Variants in GMDS observed in about 807,000 individuals in gnomAD.
GMDS encodes the protein GDP-mannose 4,6-dehydratase, also known as GDP-mannose 4,6 dehydratase.
In GMDS, 20 loss-of-function variants were observed where a neutral mutation model predicts 49.9. The ratio of observed to expected loss-of-function variants is 0.40; its 90% confidence interval spans 0.28 to 0.58. The LOEUF (loss-of-function observed/expected upper bound fraction) is 0.58. GMDS is among the 20% of genes least tolerant of loss of function. The probability of loss-of-function intolerance (pLI) is 0.42; values close to 1 mark genes in which losing one functional copy is unlikely to be tolerated. For missense variants in GMDS, 362 were observed against 481.4 expected (o/e 0.75, Z 2.32); for synonymous variants, 177 against 178.6 (o/e 0.99, Z 0.07).
intron 7 of GMDS, among the ~76,000 whole-genome samples, chr6:1,809,898 T>C (rs143176732): frequency 3.9e-5 from 6 of 152,252 alleles, no homozygotes; most frequent in African/African-American, 1.4e-4. Context: ...TTGAAATATA[T>C]TTTATATTTA....
At chr6:1,695,963 A>G (rs1372176198) in intron 9 of GMDS, among the ~76,000 whole-genome samples, 1 of 148,736 alleles carries the variant, frequency 6.7e-6, no homozygotes. Context: ...TGACAAAAAC[A>G]ATGCTGGAGG....
chr6:1,647,004 C>T (rs1475226818), intron 9 of GMDS, among the ~76,000 whole-genome samples: 1 of 152,180 alleles, frequency 6.6e-6, no homozygotes, highest in African/African-American at 2.4e-5. Flanking sequence ...AGGCCTCTTG[C>T]CCCTTCCTTG....
chr6:2,137,921 T>C (rs909992788), intron 1 of GMDS, among the ~76,000 whole-genome samples: 1 of 152,250 alleles, frequency 6.6e-6, no homozygotes, highest in Non-Finnish European at 1.5e-5. Context: ...TACTGTATTG[T>C]ACTCTGTCCA....
intron 7 of GMDS, among the ~76,000 whole-genome samples, chr6:1,899,570 GC>G (rs1439974235): frequency 6.6e-6 from 1 of 152,146 alleles, no homozygotes. Flanking sequence ...AAGCCGGTGG[GC>G]CATTCCAGGA....
intron 9 of GMDS, among the ~76,000 whole-genome samples, chr6:1,627,747 C>T (rs1762885800): frequency 1.3e-5 from 2 of 152,244 alleles, no homozygotes; most frequent in African/African-American, 4.8e-5. Flanking sequence ...AAAGGACTTC[C>T]ACCAGTGCAA....
intron 4 of GMDS, 46 bp from the exon 5 acceptor site, chr6:1,961,012 C>A: frequency 8.6e-7 from 1 of 1,162,458 alleles, no homozygotes; most frequent in Non-Finnish European, 1.2e-6. Flanking sequence ...AGCTTCATAG[C>A]ACAAAGGTGC....
At chr6:2,213,534 A>G (rs765408473) in intron 1 of GMDS, among the ~76,000 whole-genome samples, 1 of 152,244 alleles carries the variant, frequency 6.6e-6, no homozygotes, top group Non-Finnish European at 1.5e-5. Context: ...AAGGTACACA[A>G]AACAGTTCTA....
At chr6:1,819,576 C>T (rs930981642) in intron 7 of GMDS, among the ~76,000 whole-genome samples, 1 of 151,856 alleles carries the variant, frequency 6.6e-6, no homozygotes, top group Non-Finnish European at 1.5e-5. Flanking sequence ...GCCTGGCCAA[C>T]ATGGTGAAAC....
At chr6:2,115,274 A>T (rs1774782180) in intron 4 of GMDS, among the ~76,000 whole-genome samples, 1 of 152,202 alleles carries the variant, frequency 6.6e-6, no homozygotes, top group East Asian at 1.9e-4. Context: ...GAGGAGGGAG[A>T]CTAAAAAGCT....
intron 1 of GMDS, among the ~76,000 whole-genome samples, chr6:2,238,027 G>A (rs1280863845): frequency 6.6e-6 from 1 of 152,074 alleles, no homozygotes; most frequent in East Asian, 1.9e-4. Context: ...GTACAGCACA[G>A]CAGCATGGCC....
At chr6:2,154,898 A>T (rs1777032968) in intron 1 of GMDS, among the ~76,000 whole-genome samples, 1 of 149,896 alleles carries the variant, frequency 6.7e-6, no homozygotes, top group Non-Finnish European at 1.5e-5. Flanking sequence ...ACAAAAACCA[A>T]TCTATTCCAA....
chr6:2,210,274 G>A (rs1345359034), intron 1 of GMDS, among the ~76,000 whole-genome samples: 1 of 152,132 alleles, frequency 6.6e-6, no homozygotes, highest in African/African-American at 2.4e-5. Flanking sequence ...CTCAGTTTCT[G>A]CACCTACCTT....
chr6:1,657,971 A>T (rs1763942086), intron 9 of GMDS, among the ~76,000 whole-genome samples: 1 of 152,036 alleles, frequency 6.6e-6, no homozygotes, highest in African/African-American at 2.4e-5. Context: ...CTGCCTCTAC[A>T]GGCCTGCCTT....
chr6:1,747,854 A>G (rs539735173), intron 7 of GMDS, among the ~76,000 whole-genome samples: 140 of 152,122 alleles, frequency 9.2e-4, no homozygotes, highest in Non-Finnish European at 1.8e-3. Flanking sequence ...GGCTATGTCT[A>G]TTTTCTTCCT....
In GMDS at chr6:2,237,163, T is replaced by A. The variant is rs187120400; in HGVS notation, c.102+8158A>T. ...TGTAACTCAATTCTACATAAGTAAA[T>A]GCCAAAATAATATCCTGGAAAGCTG... On this transcript the variant is annotated intron_variant, in intron 1 of 10. Transcript: ENST00000380815. Among the ~76,000 whole-genome samples, 432 of 152,310 alleles carry A rather than the reference T, an allele frequency of 2.8e-3. 1 individual carries two copies. The highest frequency in any genetic ancestry group is 4.1e-3 in the Non-Finnish European group (279 of 68,034).
chr6:1,808,371 G>A (rs750802790), intron 7 of GMDS, among the ~76,000 whole-genome samples: 22 of 152,126 alleles, frequency 1.4e-4, no homozygotes, highest in Non-Finnish European at 2.5e-4. Flanking sequence ...TTTTATTATT[G>A]CCACTTCTAC....
At chr6:1,763,615 G>A (rs1446153152) in intron 7 of GMDS, among the ~76,000 whole-genome samples, 4 of 152,174 alleles carry the variant, frequency 2.6e-5, no homozygotes, top group African/African-American at 9.7e-5. Flanking sequence ...ATTGCCCTGT[G>A]TGTGACTGAC....
At chr6:1,770,559 C>T (rs572376692) in intron 7 of GMDS, among the ~76,000 whole-genome samples, 42 of 152,352 alleles carry the variant, frequency 2.8e-4, no homozygotes, top group Non-Finnish European at 4.7e-4. Context: ...CATGACCCCA[C>T]GGTGTGGGGA....
intron 1 of GMDS, among the ~76,000 whole-genome samples, chr6:2,167,037 A>G (rs1777702841): frequency 6.6e-6 from 1 of 152,210 alleles, no homozygotes; most frequent in African/African-American, 2.4e-5. Context: ...TGACACCTTC[A>G]AGGCCACTGT....
Sources: gnomAD v4.1 joint callset for allele counts (sites outside exome capture counted in the v4.1 genomes callset) on GRCh38, gnomAD v4.1.1 for gene constraint, MANE v1.5 for transcripts, NCBI Gene and HGNC (gene_info 2026-07-23, HGNC 2026-07-21) for gene names.